Variants in MCC observed in about 807,000 individuals in gnomAD.
The protein encoded by MCC is colorectal mutant cancer protein.
A neutral mutation model predicts 116.2 loss-of-function variants in MCC; 90 were observed. The observed-to-expected ratio is 0.77, with a 90% CI of 0.65 to 0.92. The LOEUF is 0.92. Among genes scored for constraint, MCC ranks in the 40% least tolerant of loss-of-function variants. The pLI is 0.00. For synonymous variants in MCC, 578 were observed against 510.5 expected (o/e 1.13, Z -1.78); for missense variants, 1,516 against 1,312.2 (o/e 1.16, Z -2.40).
intron 3 of MCC, among the ~76,000 whole-genome samples, chr5:113,174,613 CTT>C (rs530345977): frequency 6.9e-5 from 10 of 144,430 alleles, no homozygotes; most frequent in East Asian, 2.0e-4. Context: ...TTTCTTAAGA[CTT>C]TTTTTTTTTT....
intron 11 of MCC, among the ~76,000 whole-genome samples, chr5:113,079,016 C>T (rs1449344873): frequency 6.6e-6 from 1 of 152,164 alleles, no homozygotes; most frequent in Non-Finnish European, 1.5e-5. Context: ...ACACCAATAA[C>T]AGACAAACAG....
intron 3 of MCC, among the ~76,000 whole-genome samples, chr5:113,268,287 T>G (rs911398022): frequency 7.2e-5 from 11 of 152,210 alleles, no homozygotes; most frequent in Admixed American, 7.2e-4. Context: ...AGGGTCCAAA[T>G]GAACTCTACC....
At chr5:113,029,890 C>T (rs977060494) in intron 17 of MCC, among the ~76,000 whole-genome samples, 2 of 152,210 alleles carry the variant, frequency 1.3e-5, no homozygotes, top group Admixed American at 6.5e-5. Flanking sequence ...GGAGCCATGA[C>T]GCTCCCCCAT....
At chr5:113,084,922 G>T (rs540312589) in intron 9 of MCC, among the ~76,000 whole-genome samples, 1 of 152,300 alleles carries the variant, frequency 6.6e-6, no homozygotes, top group Admixed American at 6.5e-5. Context: ...TGTCAGCTGT[G>T]ACATTCTCCA....
intron 2 of MCC, among the ~76,000 whole-genome samples, chr5:113,369,104 G>A (rs969088976): frequency 6.6e-6 from 1 of 152,072 alleles, no homozygotes; most frequent in Non-Finnish European, 1.5e-5. Flanking sequence ...GAAACTCTCT[G>A]AATCCAGTCC....
At chr5:113,397,743 A>C (rs1234445344) in intron 1 of MCC, among the ~76,000 whole-genome samples, 3 of 152,194 alleles carry the variant, frequency 2.0e-5, no homozygotes, top group African/African-American at 7.2e-5. Context: ...ATCCTAGTAG[A>C]AAACCTAGGA....
At chr5:113,112,707 T>C (rs535005843) in intron 6 of MCC, among the ~76,000 whole-genome samples, 1 of 152,360 alleles carries the variant, frequency 6.6e-6, no homozygotes, top group African/African-American at 2.4e-5. Flanking sequence ...TTCAACAGTG[T>C]GTTTCCAGAG....
At chr5:113,050,068 T>C (rs1387835245) in intron 15 of MCC, among the ~76,000 whole-genome samples, 6 of 152,204 alleles carry the variant, frequency 3.9e-5, no homozygotes, top group African/African-American at 1.4e-4. Flanking sequence ...CTGTGCTAAG[T>C]GTTCACATGA....
intron 1 of MCC, among the ~76,000 whole-genome samples, chr5:113,472,936 TTCAA>T (rs1772132902): frequency 6.6e-6 from 1 of 152,226 alleles, no homozygotes; most frequent in Non-Finnish European, 1.5e-5. Flanking sequence ...GGTTCATTCA[TTCAA>T]TGTTGCTTTA....
intron 6 of MCC, among the ~76,000 whole-genome samples, chr5:113,117,093 T>C (rs1757440122): frequency 6.6e-6 from 1 of 152,230 alleles, no homozygotes; most frequent in South Asian, 2.1e-4. Context: ...GTGAGTATTC[T>C]CCAGACAGCT....
At position 113,260,237 on chromosome 5, in the gene MCC, A is replaced by G. The variant is rs185778092; in HGVS notation, c.627+80282T>C. On this transcript the variant is annotated intron_variant, in intron 3 of 18. Coordinates refer to ENST00000408903, the MANE Select transcript of MCC (RefSeq NM_001085377.2). The stretch of plus-strand genomic sequence containing the variant: ...CTGTTATTTATCATATTCAAAATTA[A>G]CAAATTTTTAAAATACTTTTAAAAA... Among the ~76,000 whole-genome samples, 162 of 152,284 alleles carry G rather than the reference A, an allele frequency of 1.1e-3. 1 individual carries two copies. The highest frequency in any genetic ancestry group is 3.7e-3 in the African/African-American group (155 of 41,568).
Position 113,025,351 on chromosome 5 carries a change from G to A in MCC, c.*1951C>T, listed in dbSNP as rs1490087350. ...TTCTAAAAAATCACAGGAATGGCCA[G>A]GCACATTGGCTCATGCCTGTAATCC... On this transcript the variant is annotated 3_prime_UTR_variant, in exon 19 of 19. Coordinates refer to ENST00000408903, the MANE Select transcript of MCC (RefSeq NM_001085377.2). The A allele has an allele frequency of 6.6e-6, 1 of 151,734 alleles. No homozygotes were observed. The highest frequency in any genetic ancestry group is 2.4e-5 in the African/African-American group (1 of 41,258). The allele number at this position is 151,734 out of a possible 1,614,324, so 9.4% of individuals were successfully genotyped here. A position where few individuals can be genotyped will look rare whatever the true frequency, so the allele number is the denominator to read the frequency against.
intron 5 of MCC, among the ~76,000 whole-genome samples, chr5:113,124,300 T>G (rs775321243): frequency 1.3e-5 from 2 of 152,234 alleles, no homozygotes; most frequent in Non-Finnish European, 2.9e-5. Context: ...AAGTGCCTTT[T>G]TGGTCTACAG....
At chr5:113,138,404 T>C (rs1489876412) in intron 5 of MCC, among the ~76,000 whole-genome samples, 2 of 152,186 alleles carry the variant, frequency 1.3e-5, no homozygotes, top group Non-Finnish European at 2.9e-5. Flanking sequence ...GATGAGGTCA[T>C]GAGGGTGGGG....
At chr5:113,238,434 C>A (rs1319322224) in intron 3 of MCC, among the ~76,000 whole-genome samples, 1 of 151,988 alleles carries the variant, frequency 6.6e-6, no homozygotes, top group Non-Finnish European at 1.5e-5. Context: ...GACAGATGAC[C>A]CATAAGAAAG....
rs751464146 is a variant in MCC at position 113,488,336 on chromosome 5, T to TGCTGCC, written c.78_79insGGCAGC (p.Ser26_Ser27insGlySer). 1.1e-4 allele frequency: 168 copies of TGCTGCC among 1,478,486 alleles called. 2 individuals carry two copies. Among genetic ancestry groups the TGCTGCC allele is most frequent in the South Asian group, 6.8e-4 (54 of 79,006 alleles). The allele number at this position is 1,478,486 out of a possible 1,614,324, so 91.6% of individuals were successfully genotyped here. A position where few individuals can be genotyped will look rare whatever the true frequency, so the allele number is the denominator to read the frequency against. On this transcript the variant is annotated inframe_insertion, in exon 1 of 19. Transcript: ENST00000408903. ...CCGGTGCTGGACGTGTCGCTGCTGC[T>TGCTGCC]GCTGCTGCTGCCGCTGCCGCCGCCG...
chr5:113,094,804 G>A (rs1755906242), intron 8 of MCC, among the ~76,000 whole-genome samples: 1 of 152,190 alleles, frequency 6.6e-6, no homozygotes, highest in South Asian at 2.1e-4. Flanking sequence ...AAGCAGCCTG[G>A]CCTCCTCATA....
chr5:113,309,093 A>G (rs1006090505), intron 3 of MCC, among the ~76,000 whole-genome samples: 5 of 152,208 alleles, frequency 3.3e-5, no homozygotes, highest in South Asian at 4.1e-4. Flanking sequence ...CAATTAAACT[A>G]TCATCATGCT....
intron 17 of MCC, among the ~76,000 whole-genome samples, chr5:113,041,272 G>T (rs1318819930): frequency 6.6e-6 from 1 of 152,136 alleles, no homozygotes; most frequent in Non-Finnish European, 1.5e-5. Context: ...CAAGTGAGCT[G>T]ACTGAAAATA....
Sources: allele counts gnomAD v4.1 joint callset (sites outside exome capture counted in the v4.1 genomes callset), GRCh38; gene constraint gnomAD v4.1.1; transcripts MANE v1.5; gene names NCBI Gene and HGNC (gene_info 2026-07-23, HGNC 2026-07-21).